GRM4: variants seen among roughly 807,000 people sequenced by gnomAD.
GRM4 encodes glutamate metabotropic receptor 4.
A neutral mutation model predicts 81.7 loss-of-function variants in GRM4; 28 were observed. That is an observed-to-expected ratio of 0.34 (90% CI 0.25 to 0.47). GRM4 has a LOEUF of 0.47. Among genes scored for constraint, GRM4 ranks in the 20% least tolerant of loss-of-function variants. The probability of loss-of-function intolerance (pLI) is 1.00; values close to 1 mark genes in which losing one functional copy is unlikely to be tolerated. For missense variants in GRM4, 948 were observed against 1,290.0 expected, an observed-to-expected ratio of 0.73 and a Z score of 4.06; for synonymous variants, 488 against 528.8, an observed-to-expected ratio of 0.92 and a Z score of 1.06.
Position 34,080,359 on chromosome 6 carries a change from C to T in GRM4, c.736+11524G>A, listed in dbSNP as rs1767522778. ...GCTGGTATCTCAAATTATAATTATA[C>T]AGTGATGTGTTTGCTTATTCACTGG... On this transcript the variant is annotated intron_variant, in intron 3 of 10. Coordinates refer to ENST00000538487, the MANE Select transcript of GRM4 (RefSeq NM_000841.4). The surrounding 1 kb of genome is among the most constrained non-coding windows in gnomAD (Gnocchi z 5.4). Among the ~76,000 whole-genome samples, 1 of 152,180 alleles carries T rather than the reference C, an allele frequency of 6.6e-6. No individual in the cohort carries two copies. Among genetic ancestry groups the T allele is most frequent in the Non-Finnish European group, 1.5e-5 (1 of 68,038 alleles).
At chr6:34,073,295 TC>T (rs1561793283) in intron 3 of GRM4, among the ~76,000 whole-genome samples, 20 of 53,628 alleles carry the variant, frequency 3.7e-4, no homozygotes, top group African/African-American at 1.6e-3. Flanking sequence ...CACACACACA[TC>T]CACACATCAC....
At chr6:34,061,714 GTAGCTTGTGCTC>G (rs1387617713) in intron 4 of GRM4, 167 bp downstream of exon 4, 3 of 598,412 alleles carry the variant, frequency 5.0e-6, no homozygotes, top group Non-Finnish European at 8.9e-6. Context: ...CCCCATAGCA[GTAGCTTGTGCTC>G]TAGCCTGTGG....
chr6:34,150,376 C>G (rs1051739055), upstream of GRM4, among the ~76,000 whole-genome samples: 1 of 152,072 alleles, frequency 6.6e-6, no homozygotes, highest in Admixed American at 6.5e-5. Context: ...AGGAGCACCC[C>G]GCAAGAGTGG....
intron 2 of GRM4, among the ~76,000 whole-genome samples, chr6:34,098,831 G>C (rs1768676517): frequency 6.6e-6 from 1 of 152,252 alleles, no homozygotes; most frequent in Non-Finnish European, 1.5e-5. Flanking sequence ...AGGGGCCTGA[G>C]CAGTGCAGCC....
At position 34,047,159 on chromosome 6, in the gene GRM4, C is replaced by T. The variant is rs1224342332; in HGVS notation, c.1169-6411G>A. On this transcript the variant is annotated intron_variant, in intron 6 of 10. Coordinates refer to ENST00000538487, the MANE Select transcript of GRM4 (RefSeq NM_000841.4). This position sits in a 1 kb window ranked among gnomAD's most constrained non-coding sequence, Gnocchi z 4.5. ...GAGATGCAACACCATGTCTTGTGCA[C>T]AGAAGTCCTCTCTCAGCCTCAGCTC... 6.6e-6 allele frequency among the ~76,000 whole-genome samples: 1 copy of T among 152,090 alleles called. No individual in the cohort carries two copies. Among genetic ancestry groups the T allele is most frequent in the African/African-American group, 2.4e-5 (1 of 41,388 alleles).
At chr6:34,137,855 CA>C (rs1263709912) in intron 1 of GRM4, among the ~76,000 whole-genome samples, 1 of 151,248 alleles carries the variant, frequency 6.6e-6, no homozygotes, top group African/African-American at 2.4e-5. Context: ...CTCAGCCTCC[CA>C]AAGTACTGGG....
At chr6:34,057,644 T>TG (rs1287140704) in intron 5 of GRM4, among the ~76,000 whole-genome samples, 1 of 152,218 alleles carries the variant, frequency 6.6e-6, no homozygotes, top group Non-Finnish European at 1.5e-5. Flanking sequence ...AATATCCCCT[T>TG]GGGGGGCAAA....
intron 1 of GRM4, among the ~76,000 whole-genome samples, chr6:34,138,678 C>T (rs1039650576): frequency 6.6e-6 from 1 of 152,164 alleles, no homozygotes; most frequent in African/African-American, 2.4e-5. Context: ...CTGCACTGTG[C>T]GACTCGCAGG....
At position 34,155,515 on chromosome 6, in the gene GRM4, C is replaced by T. The variant is rs578200988; in HGVS notation, c.-125G>A. 4.1e-4 allele frequency: 234 copies of T among 576,838 alleles called. 3 individuals carry two copies. The Admixed American group carries it at 5.2e-3, about 13-fold the overall frequency. 35.7% of individuals were successfully genotyped at this position (576,838 alleles called of 1,614,324 possible). A position where few individuals can be genotyped will look rare whatever the true frequency, so the allele number is the denominator to read the frequency against. On this transcript the variant is annotated 5_prime_UTR_variant, in exon 1 of 9. Coordinates refer to the GRM4 transcript ENST00000374177. The stretch of plus-strand genomic sequence containing the variant: ...CCTGTGTCCAGGCCGCATCCCAAAC[C>T]AATTAAAATCTGTTTTTTTGTTTTG...
intron 3 of GRM4, chr6:34,062,530 T>C (rs1378803182): frequency 1.4e-5 from 2 of 145,050 alleles, no homozygotes; most frequent in Non-Finnish European, 3.0e-5. Context: ...ATTTTTATTG[T>C]AACCCGCTCA....
chr6:34,140,893 A>T (rs991388687), intron 1 of GRM4, among the ~76,000 whole-genome samples: 1 of 152,100 alleles, frequency 6.6e-6, no homozygotes, highest in Admixed American at 6.5e-5. Flanking sequence ...CAACATCCAA[A>T]CTGCACCGCA....
At chr6:34,148,889 C>T (rs1046927160), upstream of GRM4, among the ~76,000 whole-genome samples, 6 of 152,142 alleles carry the variant, frequency 3.9e-5, no homozygotes, top group African/African-American at 7.2e-5. Flanking sequence ...GATGCTGACC[C>T]GCCCGTTCCT....
chr6:34,103,262 T>C (rs1334030784), intron 2 of GRM4, among the ~76,000 whole-genome samples: 2 of 152,240 alleles, frequency 1.3e-5, no homozygotes, highest in African/African-American at 4.8e-5. Flanking sequence ...AACAGGCCTT[T>C]GGACAAATAT....
chr6:34,035,712 C>T lies in GRM4; in HGVS notation c.2398G>A (p.Ala800Thr). ...GTGCCAAAGAAGATGGGGATGAAGG[C>T]CAGCCAGACGATGCAAGTGGTGTAC... is the stretch of plus-strand genomic sequence containing the variant. Reference protein sequence around the residue: ...TMYTTCIVWLAFIPIFFGTSQ... With the variant: ...TMYTTCIVWLTFIPIFFGTSQ... Residue 800 changes from alanine (A) to threonine (T), a missense_variant, in exon 9 of 11, where the codon GCC becomes ACC. Transcript: ENST00000538487. The surrounding 1 kb of genome is among the most constrained non-coding windows in gnomAD (Gnocchi z 6.6). 1 of 1,596,726 alleles carries T rather than the reference C, an allele frequency of 6.3e-7. No homozygotes were observed. Among genetic ancestry groups the T allele is most frequent in the Non-Finnish European group, 8.6e-7 (1 of 1,166,210 alleles).
rs866858442 is a variant in GRM4 at position 34,022,404 on chromosome 6, C to T, written c.*417G>A. On this transcript the variant is annotated 3_prime_UTR_variant, in exon 11 of 11. Transcript: ENST00000538487. The surrounding 1 kb of genome is among the most constrained non-coding windows in gnomAD (Gnocchi z 5.6). ...AGAAAAGGCCAAGAGTACAAGCAGC[C>T]GGGGACGCCAGAGAGGGAAAAGGTG... 5 of 198,144 alleles carry T rather than the reference C, an allele frequency of 2.5e-5. No individual in the cohort carries two copies. The highest frequency in any genetic ancestry group is 9.4e-5 in the African/African-American group (4 of 42,712). The allele number at this position is 198,144 out of a possible 1,614,324, so 12.3% of individuals were successfully genotyped here. A position where few individuals can be genotyped will look rare whatever the true frequency, so the allele number is the denominator to read the frequency against.
Position 34,070,696 on chromosome 6 carries a change from G to C in GRM4, c.737-8668C>G, listed in dbSNP as rs1483163881. ...GCTGGGGAGGTCTACAGCTGGGCGG[G>C]GGGACCAGGGCACCAGGATTATCCA... is the stretch of plus-strand genomic sequence containing the variant. On this transcript the variant is annotated intron_variant, in intron 3 of 10. Transcript: ENST00000538487. The surrounding 1 kb of genome is among the most constrained non-coding windows in gnomAD (Gnocchi z 4.6). Among the ~76,000 whole-genome samples the C allele has an allele frequency of 6.6e-6, 1 of 151,660 alleles. No individual in the cohort carries two copies. The highest frequency in any genetic ancestry group is 1.5e-5 in the Non-Finnish European group (1 of 67,878).
chr6:34,127,121 T>C (rs1181007668), intron 2 of GRM4, among the ~76,000 whole-genome samples: 2 of 152,202 alleles, frequency 1.3e-5, no homozygotes, highest in African/African-American at 4.8e-5. Context: ...TCCTAGTCTA[T>C]CGTTTGCTAA....
rs549393163 is a variant in GRM4, at chr6:34,114,071, T to A, written c.519+18907A>T. Among the ~76,000 whole-genome samples the A allele has an allele frequency of 6.6e-6, 1 of 152,106 alleles. No individual in the cohort carries two copies. The highest frequency in any genetic ancestry group is 1.9e-4 in the East Asian group (1 of 5,172). On this transcript the variant is annotated intron_variant, in intron 2 of 10. Coordinates refer to ENST00000538487, the MANE Select transcript of GRM4 (RefSeq NM_000841.4). This position sits in a 1 kb window ranked among gnomAD's most constrained non-coding sequence, Gnocchi z 4.3. ...ACTCACCTGGGTCTGTGTTCCAAAG[T>A]CCCCTCCCCAGGTCTTCCCTGACTG...
rs924647602 is a variant in GRM4 at position 34,152,364 on chromosome 6, T to A, written c.312+2715A>T. On this transcript the variant is annotated intron_variant, in intron 1 of 8. Transcript: ENST00000374177. This position sits in a 1 kb window ranked among gnomAD's most constrained non-coding sequence, Gnocchi z 4.1. ...CTGCACTGCCCTGGAAAAAGTCCCA[T>A]CAAGGCAGAGGAGAAGGGGTATTGT... Among the ~76,000 whole-genome samples the A allele has an allele frequency of 1.3e-5, 2 of 152,124 alleles. No individual in the cohort carries two copies. Among genetic ancestry groups the A allele is most frequent in the Non-Finnish European group, 2.9e-5 (2 of 68,018 alleles).
Sources: allele counts gnomAD v4.1 joint callset (sites outside exome capture counted in the v4.1 genomes callset), GRCh38; gene constraint gnomAD v4.1.1; non-coding constraint Gnocchi (gnomAD v3.1); transcripts MANE v1.5; gene names NCBI Gene and HGNC (gene_info 2026-07-23, HGNC 2026-07-21).